The following ARID3B variants were observed in gnomAD, a reference collection of about 807,000 sequenced individuals.
ARID3B encodes AT-rich interactive domain-containing protein 3B.
Under a neutral mutation model 51.9 loss-of-function variants are expected in ARID3B, and 10 were observed. That is an observed-to-expected ratio of 0.19 (90% CI 0.12 to 0.33). ARID3B has a LOEUF of 0.33. Ranked by LOEUF, ARID3B falls within the 10% of genes least tolerant of loss-of-function variation. The pLI is 1.00. For missense variants in ARID3B, 483 were observed against 716.3 expected, an observed-to-expected ratio of 0.67 and a Z score of 3.72; for synonymous variants, 205 against 279.5, an observed-to-expected ratio of 0.73 and a Z score of 2.66.
rs1052848989 is a variant in ARID3B, at chr15:74,596,030, G to A, written c.*256G>A. On this transcript the variant is annotated 3_prime_UTR_variant, in exon 9 of 9. Coordinates refer to ENST00000346246, the MANE Select transcript of ARID3B (RefSeq NM_006465.4). ...TGGAGAACTGGGTGGGGGTCTGTGG[G>A]TGTCCAGCTTCCTCCAGGGTTCCCC... 2.2e-6 allele frequency: 1 copy of A among 454,998 alleles called. No individual in the cohort carries two copies. The allele number at this position is 454,998 out of a possible 1,614,324, so 28.2% of individuals were successfully genotyped here.
intron 4 of ARID3B, among the ~76,000 whole-genome samples, chr15:74,580,756 A>G (rs1596261543): frequency 6.6e-6 from 1 of 152,300 alleles, no homozygotes; most frequent in East Asian, 1.9e-4. Context: ...CCCTAGAGCT[A>G]GCAACCCCAT....
intron 2 of ARID3B, among the ~76,000 whole-genome samples, chr15:74,561,496 A>C (rs2061679343): frequency 6.6e-6 from 1 of 152,258 alleles, no homozygotes; most frequent in African/African-American, 2.4e-5. Flanking sequence ...ATAGAGTCAT[A>C]GACCAGAATT....
intron 2 of ARID3B, among the ~76,000 whole-genome samples, chr15:74,565,773 A>G (rs545931573): frequency 1.3e-4 from 19 of 151,342 alleles, no homozygotes; most frequent in African/African-American, 4.6e-4. Flanking sequence ...GAAAAGGCCC[A>G]AGGTAGCCTT....
intron 8 of ARID3B, among the ~76,000 whole-genome samples, chr15:74,595,139 G>A (rs1032657431): frequency 4.5e-4 from 68 of 152,238 alleles, no homozygotes; most frequent in African/African-American, 1.5e-3. Context: ...TCAACCTCCT[G>A]GGCTCAAGTG....
chr15:74,555,846 C>T (rs2061655569), intron 2 of ARID3B, among the ~76,000 whole-genome samples: 1 of 131,090 alleles, frequency 7.6e-6, no homozygotes, highest in Non-Finnish European at 1.5e-5. Flanking sequence ...GGCTGGAGTG[C>T]AGTGGCACAA....
intron 2 of ARID3B, among the ~76,000 whole-genome samples, chr15:74,572,281 C>T (rs953327169): frequency 6.6e-6 from 1 of 152,216 alleles, no homozygotes; most frequent in African/African-American, 2.4e-5. Context: ...GCCCTAGTGG[C>T]ACAGAGTCTG....
intron 2 of ARID3B, among the ~76,000 whole-genome samples, chr15:74,565,748 T>C (rs1388008268): frequency 1.3e-5 from 2 of 151,696 alleles, no homozygotes; most frequent in African/African-American, 2.4e-5. Context: ...TTTTTTTTTT[T>C]AATCCCAGTA....
chr15:74,593,849 T>C (rs1369519723), intron 8 of ARID3B, among the ~76,000 whole-genome samples: 2 of 151,904 alleles, frequency 1.3e-5, no homozygotes, highest in African/African-American at 4.8e-5. Context: ...GAGACCAGCC[T>C]GAGCAACATA....
At chr15:74,580,560 TCTG>T (rs1474016865) in intron 4 of ARID3B, among the ~76,000 whole-genome samples, 1 of 152,192 alleles carries the variant, frequency 6.6e-6, no homozygotes, top group Non-Finnish European at 1.5e-5. Context: ...CATTATCTGA[TCTG>T]CTGCTCCCCT....
At chr15:74,578,325 C>G (rs555245299) in intron 4 of ARID3B, among the ~76,000 whole-genome samples, 1 of 151,784 alleles carries the variant, frequency 6.6e-6, no homozygotes, top group East Asian at 1.9e-4. Flanking sequence ...AGGCATGTAC[C>G]ATTGCACCTG....
intron 2 of ARID3B, among the ~76,000 whole-genome samples, chr15:74,566,939 TG>T (rs1172499491): frequency 6.6e-6 from 1 of 151,756 alleles, no homozygotes; most frequent in Admixed American, 6.6e-5. Flanking sequence ...ATGAATATAA[TG>T]GAAAAAAAAG....
At chr15:74,569,531 G>C (rs1464291676) in intron 2 of ARID3B, among the ~76,000 whole-genome samples, 1 of 152,142 alleles carries the variant, frequency 6.6e-6, no homozygotes, top group Non-Finnish European at 1.5e-5. Flanking sequence ...AGGTCGCAGT[G>C]ACCTGAGATC....
chr15:74,596,652 T>C lies in ARID3B; in HGVS notation c.*878T>C, dbSNP rs576966741. ...CAGCTCAGCCCTCTTCTATTTCTTA[T>C]GGGGCCATCTTGGCCTCACCATCCC... On this transcript the variant is annotated 3_prime_UTR_variant, in exon 9 of 9. Transcript: ENST00000346246. 1.3e-4 allele frequency: 31 copies of C among 233,714 alleles called. No individual in the cohort carries two copies. Among genetic ancestry groups the C allele is most frequent in the Non-Finnish European group, 1.8e-4 (21 of 118,088 alleles). 14.5% of individuals were successfully genotyped at this position (233,714 alleles called of 1,614,324 possible).
At chr15:74,570,969 C>T (rs2061717248) in intron 2 of ARID3B, among the ~76,000 whole-genome samples, 1 of 152,190 alleles carries the variant, frequency 6.6e-6, no homozygotes, top group Non-Finnish European at 1.5e-5. Context: ...ACAATGTCTG[C>T]CTTGAGAGAT....
intron 8 of ARID3B, among the ~76,000 whole-genome samples, chr15:74,594,464 GTAT>G (rs1204156674): frequency 6.6e-6 from 1 of 152,140 alleles, no homozygotes; most frequent in African/African-American, 2.4e-5. Context: ...AAAAAGCACA[GTAT>G]TATGAGTGGG....
At chr15:74,565,161 C>CAG (rs1779089428) in intron 2 of ARID3B, among the ~76,000 whole-genome samples, 1 of 152,100 alleles carries the variant, frequency 6.6e-6, no homozygotes, top group South Asian at 2.1e-4. Flanking sequence ...CCTCCCACCT[C>CAG]ATCCTCCCAA....
At chr15:74,563,587 T>C (rs2141458284) in intron 2 of ARID3B, among the ~76,000 whole-genome samples, 1 of 152,318 alleles carries the variant, frequency 6.6e-6, no homozygotes, top group East Asian at 1.9e-4. Flanking sequence ...AGTGTTCTTG[T>C]GCTGGGCTCT....
chr15:74,544,628 T>G (rs975113727), intron 2 of ARID3B, 140 bp downstream of exon 2: 18 of 695,458 alleles, frequency 2.6e-5, no homozygotes, highest in Non-Finnish European at 3.7e-5. Flanking sequence ...TGAATAGACT[T>G]TGGATTTTTT....
At chr15:74,592,949 G>GGAAAAA (rs2061809267) in intron 7 of ARID3B, among the ~76,000 whole-genome samples, 189 bp from the exon 8 acceptor site, 1 of 152,182 alleles carries the variant, frequency 6.6e-6, no homozygotes, top group Non-Finnish European at 1.5e-5. Context: ...CTGGGTCAGT[G>GGAAAAA]GAAAAAGCCA....
Sources: allele counts gnomAD v4.1 joint callset (sites outside exome capture counted in the v4.1 genomes callset), GRCh38; gene constraint gnomAD v4.1.1; transcripts MANE v1.5; gene names NCBI Gene and HGNC (gene_info 2026-07-23, HGNC 2026-07-21).